AGBL1: variants seen among roughly 807,000 people sequenced by gnomAD.
The protein encoded by AGBL1 is AGBL carboxypeptidase 1.
AGBL1 carries 130 observed loss-of-function variants against 118.9 expected under a neutral mutation model. The ratio of observed to expected loss-of-function variants is 1.09; its 90% CI spans 0.95 to 1.26. The LOEUF (loss-of-function observed/expected upper bound fraction) is 1.26, where lower values mean the gene tolerates loss of function less well. AGBL1 is among the 50% of genes most tolerant of loss of function. The pLI is 0.00. For missense variants in AGBL1, 1,584 were observed against 1,298.1 expected (o/e 1.22, Z -3.38); for synonymous variants, 555 against 478.9 (o/e 1.16, Z -2.08).
At chr15:86,791,887 C>T (rs2347238) in intron 22 of AGBL1, among the ~76,000 whole-genome samples, 13,348 of 151,918 alleles carry the variant, frequency 0.088, 1,058 homozygotes, top group African/African-American at 0.18. Context: ...AAGGTGTGTG[C>T]CACCACACCT....
At chr15:86,918,213 A>AC, downstream of AGBL1, among the ~76,000 whole-genome samples, 1 of 152,186 alleles carries the variant, frequency 6.6e-6, no homozygotes, top group Non-Finnish European at 1.5e-5. Context: ...TATTCACAAA[A>AC]CCCCTTTGAG....
intron 15 of AGBL1, among the ~76,000 whole-genome samples, chr15:86,278,493 A>T (rs952211755): frequency 6.6e-6 from 1 of 152,144 alleles, no homozygotes; most frequent in African/African-American, 2.4e-5. Context: ...CAGATTTTCT[A>T]TCTCTTTCTT....
chr15:86,379,212 C>T (rs925428092), intron 17 of AGBL1, among the ~76,000 whole-genome samples: 3 of 151,538 alleles, frequency 2.0e-5, no homozygotes, highest in South Asian at 2.1e-4. Flanking sequence ...CGTGCCTGGC[C>T]GGTCACTTTA....
intron 22 of AGBL1, among the ~76,000 whole-genome samples, chr15:86,730,708 A>G (rs1289842385): frequency 2.0e-5 from 3 of 152,128 alleles, no homozygotes; most frequent in African/African-American, 7.3e-5. Context: ...CTTGGAAAAA[A>G]ATAAGAATGC....
At chr15:86,778,890 T>C (rs572505255) in intron 22 of AGBL1, among the ~76,000 whole-genome samples, 178 of 152,254 alleles carry the variant, frequency 1.2e-3, no homozygotes, top group African/African-American at 3.9e-3. Flanking sequence ...ATCTTCACAA[T>C]TTATGTTCAG....
intron 22 of AGBL1, among the ~76,000 whole-genome samples, chr15:86,709,634 T>C (rs1004606021): frequency 6.6e-6 from 1 of 152,138 alleles, no homozygotes; most frequent in Non-Finnish European, 1.5e-5. Flanking sequence ...GCCAACACAA[T>C]CTTGTCTTTG....
At chr15:87,012,192 TACACACACACACACAC>T (rs57985975) in intron 24 of AGBL1, among the ~76,000 whole-genome samples, 19 of 142,784 alleles carry the variant, frequency 1.3e-4, no homozygotes, top group Middle Eastern at 3.5e-3. Flanking sequence ...TACAAATTTA[TACACACACACACACAC>T]ACACACACAC....
chr15:86,656,314 G>A (rs1380597386), intron 21 of AGBL1, among the ~76,000 whole-genome samples: 1 of 152,160 alleles, frequency 6.6e-6, no homozygotes, highest in Admixed American at 6.6e-5. Flanking sequence ...AGCAGAACTA[G>A]CATTATTAGA....
At chr15:86,604,144 T>C (rs564243072) in intron 21 of AGBL1, among the ~76,000 whole-genome samples, 2 of 151,580 alleles carry the variant, frequency 1.3e-5, no homozygotes, top group Admixed American at 6.6e-5. Context: ...TCAGCAGATA[T>C]TAAAATAGAT....
chr15:86,978,032 A>G (rs2081192696), intron 23 of AGBL1, among the ~76,000 whole-genome samples: 1 of 152,050 alleles, frequency 6.6e-6, no homozygotes, highest in Non-Finnish European at 1.5e-5. Flanking sequence ...TTTTATAAAT[A>G]ATTTTTTAGA....
intron 22 of AGBL1, among the ~76,000 whole-genome samples, chr15:86,800,600 T>C (rs530257862): frequency 6.6e-6 from 1 of 152,106 alleles, no homozygotes; most frequent in African/African-American, 2.4e-5. Context: ...AACTGGCCCT[T>C]ATGTTTTCAG....
chr15:86,606,644 T>C (rs1292190338), intron 21 of AGBL1, among the ~76,000 whole-genome samples: 1 of 152,200 alleles, frequency 6.6e-6, no homozygotes, highest in Non-Finnish European at 1.5e-5. Context: ...TAGCATGCTT[T>C]GATTAAAGAT....
At chr15:86,685,873 A>T (rs533613251) in intron 22 of AGBL1, among the ~76,000 whole-genome samples, 2 of 152,298 alleles carry the variant, frequency 1.3e-5, no homozygotes, top group East Asian at 3.9e-4. Flanking sequence ...ATTAGTCCAT[A>T]AAATGTGATC....
chr15:86,508,571 G>A (rs1302868575), intron 18 of AGBL1, among the ~76,000 whole-genome samples: 1 of 151,744 alleles, frequency 6.6e-6, no homozygotes, highest in East Asian at 1.9e-4. Context: ...TTTTTTTCGA[G>A]GATTAAATGA....
intron 18 of AGBL1, among the ~76,000 whole-genome samples, chr15:86,466,342 C>G (rs999502075): frequency 1.3e-5 from 2 of 152,198 alleles, no homozygotes; most frequent in Admixed American, 1.3e-4. Context: ...TCAGCTCCAT[C>G]AGGCCATTTA....
At chr15:86,654,241 C>T (rs191023680) in intron 21 of AGBL1, among the ~76,000 whole-genome samples, 9 of 152,244 alleles carry the variant, frequency 5.9e-5, no homozygotes, top group African/African-American at 1.7e-4. Flanking sequence ...TGTTTATAAT[C>T]TCTACTCCTC....
At chr15:86,398,943 G>A (rs2081405687) in intron 18 of AGBL1, among the ~76,000 whole-genome samples, 2 of 152,088 alleles carry the variant, frequency 1.3e-5, no homozygotes, top group Non-Finnish European at 2.9e-5. Context: ...ATGTACCCAT[G>A]TGTTCCTTAC....
At chr15:86,962,448 C>T (rs997183071) in intron 23 of AGBL1, among the ~76,000 whole-genome samples, 4 of 151,862 alleles carry the variant, frequency 2.6e-5, no homozygotes, top group African/African-American at 9.7e-5. Flanking sequence ...AATCATATGT[C>T]TTTAAAAGAA....
At chr15:86,447,597 G>A (rs2082137842) in intron 18 of AGBL1, among the ~76,000 whole-genome samples, 1 of 152,110 alleles carries the variant, frequency 6.6e-6, no homozygotes, top group Admixed American at 6.6e-5. Flanking sequence ...CCAAAAAAGT[G>A]CCACCTGATA....
Sources: allele counts gnomAD v4.1 joint callset (sites outside exome capture counted in the v4.1 genomes callset), GRCh38; gene constraint gnomAD v4.1.1; transcripts MANE v1.5; gene names NCBI Gene and HGNC (gene_info 2026-07-23, HGNC 2026-07-21).